Variants in DLG2 observed in about 807,000 individuals in gnomAD.
The protein encoded by DLG2 is disks large homolog 2.
Under a neutral mutation model 132.5 loss-of-function variants are expected in DLG2, and 45 were observed. That is an observed-to-expected ratio of 0.34 (90% CI 0.27 to 0.44). The LOEUF is 0.44. Ranked by LOEUF, DLG2 falls within the 20% of genes least tolerant of loss-of-function variation. The pLI is 1.00. For missense variants in DLG2, 1,045 were observed against 1,196.9 expected, an observed-to-expected ratio of 0.87 and a Z score of 1.87; for synonymous variants, 424 against 419.6, an observed-to-expected ratio of 1.01 and a Z score of -0.13.
rs139809292 is a variant in DLG2, at chr11:84,882,672, A to G, written c.357+228989T>C. Among the ~76,000 whole-genome samples, 46 of 152,224 alleles carry G rather than the reference A, an allele frequency of 3.0e-4. No homozygotes were observed. The East Asian group carries it at 7.0e-3, about 23-fold the overall frequency. On this transcript the variant is annotated intron_variant, in intron 6 of 27. Transcript: ENST00000376104. ...TTTTTAAAAATGTTTTCGGTAAATC[A>G]AATCTATCCTTATTCACTTACATGA...
At chr11:83,636,661 T>G (rs551484491) in intron 18 of DLG2, among the ~76,000 whole-genome samples, 1 of 152,300 alleles carries the variant, frequency 6.6e-6, no homozygotes, top group South Asian at 2.1e-4. Context: ...ATCAACACTT[T>G]GTTAGGCTCT....
chr11:85,508,959 A>G (rs1270709160), intron 3 of DLG2, among the ~76,000 whole-genome samples: 1 of 152,192 alleles, frequency 6.6e-6, no homozygotes, highest in African/African-American at 2.4e-5. Context: ...TAAAAAAGTA[A>G]TAGTATAGTT....
intron 7 of DLG2, among the ~76,000 whole-genome samples, chr11:84,258,430 G>A (rs1010581386): frequency 6.6e-6 from 1 of 152,070 alleles, no homozygotes; most frequent in African/African-American, 2.4e-5. Flanking sequence ...TATCAAAACT[G>A]AGGTTAACAA....
intron 3 of DLG2, among the ~76,000 whole-genome samples, chr11:85,595,642 C>A (rs1237801388): frequency 5.9e-5 from 9 of 151,700 alleles, no homozygotes; most frequent in African/African-American, 1.7e-4. Flanking sequence ...AATAAAAAAT[C>A]AAAATAAATA....
intron 6 of DLG2, among the ~76,000 whole-genome samples, chr11:84,571,771 A>G (rs553683437): frequency 6.6e-6 from 1 of 152,228 alleles, no homozygotes; most frequent in East Asian, 1.9e-4. Context: ...GGAAAGTTTG[A>G]TTTTCAAACA....
chr11:83,709,290 C>T (rs1592855483), intron 18 of DLG2, among the ~76,000 whole-genome samples: 3 of 145,768 alleles, frequency 2.1e-5, no homozygotes, highest in Admixed American at 6.9e-5. Context: ...CATATATGTA[C>T]ATATATACAT....
At chr11:85,214,225 C>T (rs1595441439) in intron 4 of DLG2, among the ~76,000 whole-genome samples, 1 of 152,222 alleles carries the variant, frequency 6.6e-6, no homozygotes, top group East Asian at 1.9e-4. Flanking sequence ...TTCTCTATAG[C>T]TCAACTCCTT....
intron 19 of DLG2, among the ~76,000 whole-genome samples, chr11:83,549,560 A>T (rs144335981): frequency 6.6e-5 from 10 of 152,296 alleles, no homozygotes; most frequent in South Asian, 6.2e-4. Flanking sequence ...GAGATGAAAT[A>T]AGGATGGTGT....
At chr11:85,602,946 T>C (rs1413646677) in intron 2 of DLG2, among the ~76,000 whole-genome samples, 1 of 152,156 alleles carries the variant, frequency 6.6e-6, no homozygotes, top group Non-Finnish European at 1.5e-5. Flanking sequence ...TACTCCTATA[T>C]AACATAGCAA....
At chr11:84,611,499 A>G (rs1565451807) in intron 6 of DLG2, among the ~76,000 whole-genome samples, 1 of 152,116 alleles carries the variant, frequency 6.6e-6, no homozygotes, top group Non-Finnish European at 1.5e-5. Context: ...GAAGCTTAAA[A>G]TTCTATCATT....
intron 7 of DLG2, among the ~76,000 whole-genome samples, chr11:84,290,000 A>C (rs2097966084): frequency 6.6e-6 from 1 of 152,136 alleles, no homozygotes. Context: ...GATCACTCCC[A>C]ATAACTAAGT....
At chr11:83,848,076 G>C (rs935184633) in intron 16 of DLG2, among the ~76,000 whole-genome samples, 1 of 147,436 alleles carries the variant, frequency 6.8e-6, no homozygotes, top group African/African-American at 2.5e-5. Flanking sequence ...CTAGGTCTCA[G>C]TTTAAATTGT....
At chr11:83,517,571 C>A (rs1019998354) in intron 21 of DLG2, among the ~76,000 whole-genome samples, 1 of 152,180 alleles carries the variant, frequency 6.6e-6, no homozygotes, top group East Asian at 1.9e-4. Flanking sequence ...TGAGGAGCTG[C>A]GTTCCTTTGG....
chr11:84,293,154 G>C, intron 7 of DLG2, among the ~76,000 whole-genome samples: 1 of 152,012 alleles, frequency 6.6e-6, no homozygotes, highest in African/African-American at 2.4e-5. Flanking sequence ...GGGTGTGGGG[G>C]TGTGGGGCGG....
chr11:84,968,404 T>G (rs1329395787), intron 6 of DLG2, among the ~76,000 whole-genome samples: 1 of 152,044 alleles, frequency 6.6e-6, no homozygotes, highest in Non-Finnish European at 1.5e-5. Flanking sequence ...CTCCCTTGAG[T>G]GCCTAATGAA....
At chr11:85,428,881 C>T (rs1173355527) in intron 3 of DLG2, among the ~76,000 whole-genome samples, 1 of 151,794 alleles carries the variant, frequency 6.6e-6, no homozygotes, top group African/African-American at 2.4e-5. Context: ...AGACCGCTAG[C>T]AAGACTAATA....
intron 7 of DLG2, among the ~76,000 whole-genome samples, chr11:84,506,918 G>T (rs1185938735): frequency 6.6e-6 from 1 of 152,154 alleles, no homozygotes; most frequent in Non-Finnish European, 1.5e-5. Context: ...CAACCATGGG[G>T]CAACCATGGC....
chr11:83,880,113 T>C (rs2065799928), intron 15 of DLG2, among the ~76,000 whole-genome samples: 1 of 152,140 alleles, frequency 6.6e-6, no homozygotes, highest in Admixed American at 6.6e-5. Context: ...GGAAGCTGAC[T>C]GTGGATGGGC....
chr11:84,858,380 G>T (rs1227407101), intron 6 of DLG2, among the ~76,000 whole-genome samples: 19 of 152,046 alleles, frequency 1.2e-4, no homozygotes, highest in Non-Finnish European at 2.6e-4. Context: ...CCTGTTGCTT[G>T]AAAGAGTGGA....
Sources: gnomAD v4.1 joint callset for allele counts (sites outside exome capture counted in the v4.1 genomes callset) on GRCh38, gnomAD v4.1.1 for gene constraint, MANE v1.5 for transcripts, NCBI Gene and HGNC (gene_info 2026-07-23, HGNC 2026-07-21) for gene names.